ZNF438: variants seen among roughly 807,000 people sequenced by gnomAD.
ZNF438 encodes zinc finger protein 438.
ZNF438 carries 25 observed loss-of-function variants against 38.0 expected under a neutral mutation model. The observed-to-expected ratio is 0.66, with a 90% confidence interval of 0.48 to 0.92. The LOEUF (loss-of-function observed/expected upper bound fraction) is 0.92. Ranked by LOEUF, ZNF438 falls within the 40% of genes least tolerant of loss-of-function variation. ZNF438 has a pLI of 0.00. For missense variants in ZNF438, 1,007 were observed against 999.6 expected, an observed-to-expected ratio of 1.01 and a Z score of -0.10; for synonymous variants, 372 against 364.1, an observed-to-expected ratio of 1.02 and a Z score of -0.25.
chr10:30,890,591 C>T lies in ZNF438; in HGVS notation c.-31-13526G>A, dbSNP rs2040559546. On this transcript the variant is annotated intron_variant, in intron 3 of 5. Transcript: ENST00000413025. ...TCCTCACTGCTTGTTGCCTGTATTA[C>T]AATAGCTCCTAAATTGTCTTCCTGC... Among the ~76,000 whole-genome samples the T allele has an allele frequency of 3.9e-5, 6 of 152,314 alleles. No individual in the cohort carries two copies. In the South Asian group the frequency reaches 1.2e-3, roughly 32 times the overall value.
At chr10:30,933,760 C>T (rs992005509) in intron 2 of ZNF438, among the ~76,000 whole-genome samples, 2 of 152,118 alleles carry the variant, frequency 1.3e-5, no homozygotes, top group Admixed American at 1.3e-4. Flanking sequence ...GTCTACTGCC[C>T]CTTACACTTC....
At chr10:30,958,709 T>C (rs2049139202) in intron 1 of ZNF438, among the ~76,000 whole-genome samples, 1 of 146,952 alleles carries the variant, frequency 6.8e-6, no homozygotes, top group Non-Finnish European at 1.5e-5. Flanking sequence ...CTTGAGTTCA[T>C]ATGCAGTCAA....
intron 3 of ZNF438, among the ~76,000 whole-genome samples, chr10:30,883,295 T>C (rs2039514148): frequency 6.6e-6 from 1 of 152,168 alleles, no homozygotes; most frequent in Non-Finnish European, 1.5e-5. Flanking sequence ...TCTCTGGCAA[T>C]GTGCATCCTG....
chr10:30,886,907 C>T (rs988749166), intron 3 of ZNF438, among the ~76,000 whole-genome samples: 1 of 152,170 alleles, frequency 6.6e-6, no homozygotes, highest in Non-Finnish European at 1.5e-5. Flanking sequence ...TATACCTTTA[C>T]AGTGATCACT....
intron 2 of ZNF438, among the ~76,000 whole-genome samples, chr10:30,936,020 C>T (rs974012149): frequency 2.6e-5 from 4 of 152,096 alleles, no homozygotes; most frequent in Non-Finnish European, 5.9e-5. Flanking sequence ...GAGGTGAAGC[C>T]GGTACTCAAA....
chr10:31,015,944 A>T (rs2056162386), intron 1 of ZNF438, among the ~76,000 whole-genome samples: 1 of 152,152 alleles, frequency 6.6e-6, no homozygotes, highest in Non-Finnish European at 1.5e-5. Flanking sequence ...GTCCATTCTT[A>T]TGACCTTACT....
chr10:30,923,804 G>T (rs2135045650), intron 2 of ZNF438, among the ~76,000 whole-genome samples: 1 of 152,208 alleles, frequency 6.6e-6, no homozygotes, highest in African/African-American at 2.4e-5. Context: ...TGTGATTTTG[G>T]GATGATTGCT....
intron 2 of ZNF438, among the ~76,000 whole-genome samples, chr10:30,927,234 C>G (rs2045056412): frequency 6.6e-6 from 1 of 152,150 alleles, no homozygotes; most frequent in African/African-American, 2.4e-5. Context: ...AATGGCATTG[C>G]CAAAACCCCC....
chr10:30,917,373 T>A (rs569831172), intron 2 of ZNF438, among the ~76,000 whole-genome samples: 2 of 152,220 alleles, frequency 1.3e-5, no homozygotes, highest in African/African-American at 4.8e-5. Flanking sequence ...TAGGCAAATA[T>A]CTAGGAGAAC....
rs557521055 is a variant in ZNF438 at position 30,998,821 on chromosome 10, T to C, written c.-192+33012A>G. On this transcript the variant is annotated intron_variant, in intron 1 of 5. Coordinates refer to ENST00000413025, the Ensembl canonical transcript of ZNF438. Reference sequence around the variant, plus strand: ...TGGTATATAACACAGTATACCATGATATAGTTTACAGAGGGAATCCTTAAC... The same window carrying C: ...TGGTATATAACACAGTATACCATGACATAGTTTACAGAGGGAATCCTTAAC... 3.3e-5 allele frequency among the ~76,000 whole-genome samples: 5 copies of C among 152,274 alleles called. No individual in the cohort carries two copies. The East Asian group carries it at 7.7e-4, about 23-fold the overall frequency.
chr10:30,929,351 G>A (rs1390348342), intron 2 of ZNF438, among the ~76,000 whole-genome samples: 1 of 152,186 alleles, frequency 6.6e-6, no homozygotes, highest in East Asian at 1.9e-4. Context: ...TTCGTGGTCT[G>A]GCTGGTTTCA....
intron 1 of ZNF438, among the ~76,000 whole-genome samples, chr10:31,015,228 T>C (rs549767512): frequency 4.3e-4 from 65 of 152,328 alleles, no homozygotes; most frequent in Non-Finnish European, 7.9e-4. Flanking sequence ...TCATTGCTGA[T>C]TGCCATTGTT....
chr10:30,874,126 ATATATATATATATATATATATAT>A, intron 4 of ZNF438, among the ~76,000 whole-genome samples: 1 of 11,400 alleles, frequency 8.8e-5, no homozygotes, highest in South Asian at 3.1e-3. Context: ...ATATATATAT[ATATATATATATATATATATATAT>A]ATATATATAT....
At chr10:30,875,458 G>T in intron 4 of ZNF438, 3 of 982,968 alleles carry the variant, frequency 3.1e-6, no homozygotes, top group Non-Finnish European at 3.6e-6. Flanking sequence ...ATGGAGTCCA[G>T]CTTTCCTGAT....
chr10:31,002,541 T>C (rs1212831066), intron 1 of ZNF438, among the ~76,000 whole-genome samples: 2 of 152,204 alleles, frequency 1.3e-5, no homozygotes, highest in Admixed American at 6.5e-5. Context: ...CTACTACTTT[T>C]CAAAAATACG....
At chr10:31,003,511 A>C (rs1330952773) in intron 1 of ZNF438, among the ~76,000 whole-genome samples, 1 of 152,200 alleles carries the variant, frequency 6.6e-6, no homozygotes, top group Non-Finnish European at 1.5e-5. Flanking sequence ...CTGACCCACC[A>C]AAACCTGTTC....
chr10:30,924,441 T>C (rs2044681399), intron 2 of ZNF438, among the ~76,000 whole-genome samples: 1 of 152,196 alleles, frequency 6.6e-6, no homozygotes, highest in Admixed American at 6.5e-5. Flanking sequence ...GGCATTTCCT[T>C]GTTTGGATGT....
intron 2 of ZNF438, among the ~76,000 whole-genome samples, chr10:30,934,242 A>G (rs1199658722): frequency 1.3e-5 from 2 of 151,952 alleles, no homozygotes; most frequent in East Asian, 3.9e-4. Context: ...GAAGAGTTGC[A>G]CGCACTCAGG....
intron 1 of ZNF438, among the ~76,000 whole-genome samples, chr10:31,013,427 G>A (rs2055907837): frequency 1.3e-5 from 2 of 151,884 alleles, no homozygotes; most frequent in African/African-American, 2.4e-5. Context: ...CAGGCTCTCT[G>A]ATGTCCCACA....
Sources: gnomAD v4.1 joint callset for allele counts (sites outside exome capture counted in the v4.1 genomes callset) on GRCh38, gnomAD v4.1.1 for gene constraint, MANE v1.5 for transcripts, NCBI Gene and HGNC (gene_info 2026-07-23, HGNC 2026-07-21) for gene names.